Variants in WDR47 observed in about 807,000 individuals in gnomAD.
WDR47 encodes WD repeat-containing protein 47.
A neutral mutation model predicts 97.2 loss-of-function variants in WDR47; 32 were observed. The observed-to-expected ratio is 0.33, with a 90% CI of 0.25 to 0.44. WDR47 has a LOEUF of 0.44. Among genes scored for constraint, WDR47 ranks in the 20% least tolerant of loss-of-function variants. The pLI, the probability that WDR47 is intolerant of heterozygous loss-of-function variation, is 1.00. For synonymous variants in WDR47, 375 were observed against 373.5 expected, an observed-to-expected ratio of 1.00 and a Z score of -0.05; for missense variants, 782 against 1,102.3, an observed-to-expected ratio of 0.71 and a Z score of 4.11.
At chr1:109,021,182 C>T (rs971451053) in intron 2 of WDR47, among the ~76,000 whole-genome samples, 1 of 152,124 alleles carries the variant, frequency 6.6e-6, no homozygotes, top group South Asian at 2.1e-4. Context: ...CTTCACTTTG[C>T]CTTGCAATTC....
chr1:109,028,714 G>C (rs1228390205), intron 1 of WDR47, among the ~76,000 whole-genome samples: 1 of 151,918 alleles, frequency 6.6e-6, no homozygotes, highest in Admixed American at 6.6e-5. Context: ...GCCTCCCAAA[G>C]TGCTGGGATT....
At chr1:108,977,984 CAA>C (rs953176965) in intron 13 of WDR47, among the ~76,000 whole-genome samples, 95 of 105,692 alleles carry the variant, frequency 9.0e-4, no homozygotes, top group African/African-American at 6.5e-4. Context: ...AACACTCTCT[CAA>C]AAAAAAAAAA....
chr1:109,002,818 C>T (rs1660318080), intron 6 of WDR47, among the ~76,000 whole-genome samples: 1 of 152,040 alleles, frequency 6.6e-6, no homozygotes, highest in Non-Finnish European at 1.5e-5. Context: ...CCAGAATGGC[C>T]ATCACTAAAA....
Position 108,971,436 on chromosome 1 carries a change from A to T in WDR47, c.2754T>A (p.Asn918Lys). The change falls in exon 15 of 15, where the codon AAT becomes AAA. Residue 918 changes from asparagine (N) to lysine (K), a missense_variant. Coordinates refer to ENST00000369962, the MANE Select transcript of WDR47 (RefSeq NM_001142551.2). ...ADRTVTLWTY[N>K]G ...GACTGACATGCGGTGTGCTCTACCC[A>T]TTGTAAGTCCAGAGGGTGACAGTTC... The T allele has an allele frequency of 6.2e-7, 1 of 1,614,182 alleles. No individual in the cohort carries two copies. The highest frequency in any genetic ancestry group is 8.5e-7 in the Non-Finnish European group (1 of 1,180,030).
chr1:109,012,424 T>C (rs1054704485), intron 4 of WDR47, among the ~76,000 whole-genome samples: 1 of 151,524 alleles, frequency 6.6e-6, no homozygotes, highest in Non-Finnish European at 1.5e-5. Context: ...ATACAAAAAA[T>C]TAGCCAGGCA....
Position 108,983,331 on chromosome 1 carries a change from G to C in WDR47, c.2046C>G (p.Asp682Glu). 1 of 1,612,578 alleles carries C rather than the reference G, an allele frequency of 6.2e-7. No individual in the cohort carries two copies. The highest frequency in any genetic ancestry group is 8.5e-7 in the Non-Finnish European group (1 of 1,179,308). The change falls in exon 11 of 15, where the codon GAC (aspartate) becomes GAG (glutamate). Residue 682 changes from aspartate (D) to glutamate (E), a missense_variant. Asp to Glu is a conservative substitution (Grantham distance 45). Transcript: ENST00000369962. ...TGAAGGGCAGCACTTTGACGTATTT[G>C]TCATTTGATCCTGTTGCTAATAACT... ...CGQLLATGSN[D>E]KYVKVLPFNA... is the part of the protein sequence containing the mutation.
At chr1:108,985,757 A>G (rs964482034) in intron 10 of WDR47, among the ~76,000 whole-genome samples, 4 of 152,330 alleles carry the variant, frequency 2.6e-5, no homozygotes, top group Non-Finnish European at 4.4e-5. Context: ...CCCTAAACAT[A>G]TAAGTCTTTG....
intron 1 of WDR47, among the ~76,000 whole-genome samples, chr1:109,035,360 T>C (rs1662871031): frequency 1.3e-5 from 2 of 151,802 alleles, no homozygotes; most frequent in Admixed American, 1.3e-4. Context: ...AGGGCAGGGA[T>C]CTAGGAGAAG....
intron 1 of WDR47, among the ~76,000 whole-genome samples, chr1:109,038,426 C>A (rs1663107635): frequency 6.6e-6 from 1 of 152,066 alleles, no homozygotes; most frequent in African/African-American, 2.4e-5. Context: ...TGCCTGTAAT[C>A]CCAGCACTTT....
intron 7 of WDR47, among the ~76,000 whole-genome samples, chr1:108,997,592 T>C (rs1361801441): frequency 6.6e-6 from 1 of 150,656 alleles, no homozygotes; most frequent in African/African-American, 2.4e-5. Flanking sequence ...CCGTCTCTAC[T>C]AAAAATACAA....
At chr1:109,019,446 G>A (rs1377205674) in intron 2 of WDR47, among the ~76,000 whole-genome samples, 3 of 151,834 alleles carry the variant, frequency 2.0e-5, no homozygotes, top group Admixed American at 6.6e-5. Context: ...ATGTTAGGAG[G>A]CTGAGGCACC....
chr1:108,994,326 G>A (rs766174612), intron 8 of WDR47, among the ~76,000 whole-genome samples: 1 of 152,192 alleles, frequency 6.6e-6, no homozygotes, highest in Non-Finnish European at 1.5e-5. Context: ...GAACCTGGGA[G>A]GCAGAGGTTG....
rs114238447 is a variant in WDR47, at chr1:108,980,033, T to C, written c.2398+1700A>G. Among the ~76,000 whole-genome samples, 274 of 152,240 alleles carry C rather than the reference T, an allele frequency of 1.8e-3. 1 individual carries two copies. Among genetic ancestry groups the C allele is most frequent in the African/African-American group, 6.1e-3 (255 of 41,538 alleles). On this transcript the variant is annotated intron_variant, in intron 13 of 14. Coordinates refer to ENST00000369962, the MANE Select transcript of WDR47 (RefSeq NM_001142551.2). ...CGGGAACCCTACTGTGAACTGCACA[T>C]GTAAGGTATCTAGGTTGCGTGCTCC...
chr1:109,039,766 G>A (rs1449388880), intron 1 of WDR47, among the ~76,000 whole-genome samples: 2 of 152,066 alleles, frequency 1.3e-5, no homozygotes, highest in Admixed American at 6.6e-5. Flanking sequence ...GGTCAGGCAC[G>A]GTGGCTCAAG....
rs1229879916 is a variant in WDR47, at chr1:109,011,313, G to A, written c.733C>T (p.Leu245=). ...NGCDDLDLSL[L]SWLQNLPSSV... is the part of the protein sequence containing the mutation. The stretch of plus-strand genomic sequence containing the variant: ...GATGGAAGATTCTGAAGCCATGACA[G>A]TAAACTCAGATCCAAATCATCACAA... Residue 245 remains leucine (L), a synonymous_variant, in exon 5 of 15, where the codon CTG becomes TTG. Coordinates refer to ENST00000369962, the MANE Select transcript of WDR47 (RefSeq NM_001142551.2). 6.2e-7 allele frequency: 1 copy of A among 1,614,096 alleles called. No homozygotes were observed. The highest frequency in any genetic ancestry group is 1.3e-5 in the African/African-American group (1 of 74,926).
chr1:108,978,427 C>T (rs925446394), intron 13 of WDR47, among the ~76,000 whole-genome samples: 1 of 150,172 alleles, frequency 6.7e-6, no homozygotes, highest in Non-Finnish European at 1.5e-5. Flanking sequence ...TGCAGTGAGC[C>T]GAGATTGCGC....
chr1:109,036,825 G>A (rs1195944752), intron 1 of WDR47, among the ~76,000 whole-genome samples: 3 of 151,938 alleles, frequency 2.0e-5, no homozygotes, highest in Non-Finnish European at 2.9e-5. Flanking sequence ...GACAGAGTGA[G>A]ACTCCATCTC....
In WDR47 at chr1:109,011,121, T is replaced by C; in HGVS notation, c.925A>G (p.Met309Val). 1.9e-6 allele frequency: 3 copies of C among 1,614,110 alleles called. No individual in the cohort carries two copies. The highest frequency in any genetic ancestry group is 2.5e-6 in the Non-Finnish European group (3 of 1,180,034). ...AAAGCAGGATTCAGAGAGCGGGTCA[T>C]ATAGGCATCAGCTGATTGAGGTCTT... is the stretch of plus-strand genomic sequence containing the variant. Reference protein sequence around the residue: ...MRRPQSADAYMTRSLNPALDG... With the variant: ...MRRPQSADAYVTRSLNPALDG... The change falls in exon 5 of 15, where the codon ATG (methionine) becomes GTG (valine). Residue 309 changes from methionine (M) to valine (V), a missense_variant. By Grantham distance (21) the Met-to-Val change is conservative (BLOSUM62 1). This residue lies in a region of WDR47 where 428 missense variants were observed against 584.3 expected (regional missense o/e 0.73). Coordinates refer to ENST00000369962, the MANE Select transcript of WDR47 (RefSeq NM_001142551.2).
chr1:109,025,827 T>C (rs936605380), intron 1 of WDR47, among the ~76,000 whole-genome samples: 2 of 152,070 alleles, frequency 1.3e-5, no homozygotes, highest in Non-Finnish European at 2.9e-5. Flanking sequence ...CTCACTCAAA[T>C]ATTTAATGAC....
Sources: allele counts gnomAD v4.1 joint callset (sites outside exome capture counted in the v4.1 genomes callset), GRCh38; gene constraint gnomAD v4.1.1; regional missense constraint gnomAD v4.1.1; transcripts MANE v1.5; gene names NCBI Gene and HGNC (gene_info 2026-07-23, HGNC 2026-07-21).